NKAIN3: variants seen among roughly 807,000 people sequenced by gnomAD.
NKAIN3 encodes the protein sodium/potassium-transporting ATPase subunit beta-1-interacting protein 3.
In NKAIN3, 25 loss-of-function variants were observed where a neutral mutation model predicts 30.2. The observed-to-expected ratio is 0.83, with a 90% CI of 0.60 to 1.16. The LOEUF is 1.16. NKAIN3 is among the 50% of genes most tolerant of loss of function. The pLI is 0.00. For synonymous variants in NKAIN3, 91 were observed against 89.6 expected (o/e 1.02, Z -0.09); for missense variants, 225 against 254.1 (o/e 0.89, Z 0.78).
intron 1 of NKAIN3, among the ~76,000 whole-genome samples, chr8:62,425,036 C>A (rs1839874): frequency 0.41 from 62,413 of 151,506 alleles, 14,997 homozygotes; most frequent in Non-Finnish European, 0.53. Context: ...AAGCCAGATA[C>A]AGAAGGACAA....
chr8:62,596,120 G>A (rs1457065528), intron 3 of NKAIN3, among the ~76,000 whole-genome samples: 2 of 151,886 alleles, frequency 1.3e-5, no homozygotes, highest in African/African-American at 4.8e-5. Context: ...TGAAAGGTTT[G>A]GTGAAGGGTT....
At chr8:62,584,817 C>T (rs1810419151) in intron 2 of NKAIN3, among the ~76,000 whole-genome samples, 1 of 152,210 alleles carries the variant, frequency 6.6e-6, no homozygotes, top group Non-Finnish European at 1.5e-5. Flanking sequence ...TGGTAACTTT[C>T]TACCCCAGCA....
chr8:62,633,310 C>T (rs189358246), intron 3 of NKAIN3, among the ~76,000 whole-genome samples: 39 of 152,196 alleles, frequency 2.6e-4, no homozygotes, highest in Non-Finnish European at 4.0e-4. Context: ...ATGTCTTTTG[C>T]GTTGTTATTG....
intron 1 of NKAIN3, among the ~76,000 whole-genome samples, chr8:62,260,218 T>A (rs1368099186): frequency 6.6e-6 from 1 of 152,036 alleles, no homozygotes; most frequent in Non-Finnish European, 1.5e-5. Flanking sequence ...TCTAGTATAA[T>A]AAGAGTTTGC....
chr8:62,938,988 A>G (rs1203841007), intron 5 of NKAIN3, among the ~76,000 whole-genome samples: 1 of 152,226 alleles, frequency 6.6e-6, no homozygotes, highest in African/African-American at 2.4e-5. Context: ...TCCAACTTAA[A>G]GAAATTTTTT....
Position 62,968,333 on chromosome 8 carries a change from T to A in NKAIN3, c.*2926T>A, listed in dbSNP as rs932369674. 9.2e-5 allele frequency among the ~76,000 whole-genome samples: 14 copies of A among 152,178 alleles called. No homozygotes were observed. Among genetic ancestry groups the A allele is most frequent in the African/African-American group, 3.4e-4 (14 of 41,448 alleles). ...AGTTACTGTTCCATGGAAATGAGCA[T>A]TTGCAGTTATTGCTTTTGCCTCCAG... On this transcript the variant is annotated 3_prime_UTR_variant, in exon 7 of 7. Transcript: ENST00000623646.
chr8:62,574,211 A>G (rs1810036175), intron 1 of NKAIN3, among the ~76,000 whole-genome samples: 1 of 152,134 alleles, frequency 6.6e-6, no homozygotes, highest in Admixed American at 6.6e-5. Context: ...CAGGATACAA[A>G]TGACAGGATC....
chr8:62,431,809 G>T (rs954275429), intron 1 of NKAIN3, among the ~76,000 whole-genome samples: 1 of 149,890 alleles, frequency 6.7e-6, no homozygotes, highest in Non-Finnish European at 1.5e-5. Flanking sequence ...CTTAGAGAAT[G>T]CTTAATTATC....
intron 1 of NKAIN3, among the ~76,000 whole-genome samples, chr8:62,558,524 G>A (rs578130964): frequency 6.6e-6 from 1 of 152,066 alleles, no homozygotes; most frequent in South Asian, 2.1e-4. Flanking sequence ...ACAATATTGA[G>A]TCTACCCATC....
chr8:62,897,348 T>C (rs1005072280), intron 4 of NKAIN3, among the ~76,000 whole-genome samples: 1 of 142,010 alleles, frequency 7.0e-6, no homozygotes, highest in Admixed American at 7.3e-5. Context: ...GAAAAGCTTA[T>C]GGAAACAAAT....
intron 1 of NKAIN3, among the ~76,000 whole-genome samples, chr8:62,412,804 C>T (rs1420294849): frequency 1.3e-5 from 2 of 148,618 alleles, no homozygotes; most frequent in Non-Finnish European, 3.0e-5. Context: ...CCCAGCTACT[C>T]GGGAGGCTGA....
In NKAIN3 at chr8:62,507,963, T is replaced by C. The variant is rs1007961740; in HGVS notation, c.55-71576T>C. 1.3e-5 allele frequency among the ~76,000 whole-genome samples: 2 copies of C among 152,186 alleles called. 1 individual carries two copies. The highest frequency in any genetic ancestry group is 1.3e-4 in the Admixed American group (2 of 15,278). On this transcript the variant is annotated intron_variant, in intron 1 of 6. Coordinates refer to ENST00000623646, the MANE Select transcript of NKAIN3 (RefSeq NM_001304533.3). ...GTGTTTTAGTTTCACAGTATAAAAA[T>C]GTGCTGAAAAACATCTTAGTATATT... is the stretch of plus-strand genomic sequence containing the variant.
At chr8:62,515,740 G>T (rs927438018) in intron 1 of NKAIN3, among the ~76,000 whole-genome samples, 1 of 152,176 alleles carries the variant, frequency 6.6e-6, no homozygotes, top group South Asian at 2.1e-4. Flanking sequence ...CTGACACTTG[G>T]TATTATTTGG....
In NKAIN3 at chr8:62,981,429, A is replaced by G. The variant is rs1251285173; in HGVS notation, c.*16022A>G. ...ACTCAAAGAAAATTTGGGTGTTAAC[A>G]CTTTGAAATACCTTTACCTCCTTTG... On this transcript the variant is annotated 3_prime_UTR_variant, in exon 7 of 7. Coordinates refer to ENST00000623646, the MANE Select transcript of NKAIN3 (RefSeq NM_001304533.3). 6.6e-6 allele frequency: 1 copy of G among 152,200 alleles called. No individual in the cohort carries two copies. The highest frequency in any genetic ancestry group is 1.9e-4 in the East Asian group (1 of 5,206). 9.4% of individuals were successfully genotyped at this position (152,200 alleles called of 1,614,324 possible). A position where few individuals can be genotyped will look rare whatever the true frequency, so the allele number is the denominator to read the frequency against.
chr8:62,463,266 A>G (rs1276810402), intron 1 of NKAIN3, among the ~76,000 whole-genome samples: 2 of 152,216 alleles, frequency 1.3e-5, no homozygotes, highest in African/African-American at 4.8e-5. Flanking sequence ...GTAAATTTTG[A>G]ATCTATCTTA....
chr8:62,528,293 ATATATATTATAT>A (rs1808371234), intron 1 of NKAIN3, among the ~76,000 whole-genome samples: 2 of 117,176 alleles, frequency 1.7e-5, no homozygotes, highest in Non-Finnish European at 3.3e-5. Flanking sequence ...TGTGATATAT[ATATATATTATAT>A]TATATATATA....
chr8:62,457,167 T>A (rs1444643281), intron 1 of NKAIN3, among the ~76,000 whole-genome samples: 1 of 152,216 alleles, frequency 6.6e-6, no homozygotes, highest in East Asian at 1.9e-4. Context: ...CGGGGATGTT[T>A]CTGGAGAAAG....
At position 62,249,480 on chromosome 8, in the gene NKAIN3, G is replaced by T. The variant is rs1172085054; in HGVS notation, c.54+353G>T. ...ACCTGGTTTAGCACCCTCCGCGTTCGTGCTGAAGTTACACGGGGACTTGCG... is the reference window on the plus strand; with the variant it reads ...ACCTGGTTTAGCACCCTCCGCGTTCTTGCTGAAGTTACACGGGGACTTGCG... On this transcript the variant is annotated intron_variant, in intron 1 of 6. Transcript: ENST00000623646. Among the ~76,000 whole-genome samples the T allele has an allele frequency of 2.0e-5, 3 of 152,242 alleles. No individual in the cohort carries two copies. In the East Asian group the frequency reaches 5.8e-4, roughly 29 times the overall value.
chr8:62,696,075 T>C (rs1364193702), intron 3 of NKAIN3, among the ~76,000 whole-genome samples: 1 of 152,218 alleles, frequency 6.6e-6, no homozygotes, highest in East Asian at 1.9e-4. Context: ...AATGTTTGTA[T>C]TGGGGAACTG....
Sources: allele counts gnomAD v4.1 joint callset (sites outside exome capture counted in the v4.1 genomes callset), GRCh38; gene constraint gnomAD v4.1.1; transcripts MANE v1.5; gene names NCBI Gene and HGNC (gene_info 2026-07-23, HGNC 2026-07-21).